FRMD4A: variants seen among roughly 807,000 people sequenced by gnomAD.
The protein encoded by FRMD4A is FERM domain containing 4A, also known as FERM domain-containing protein 4A.
Under a neutral mutation model 129.1 loss-of-function variants are expected in FRMD4A, and 29 were observed. That is an observed-to-expected ratio of 0.22 (90% confidence interval 0.17 to 0.31). FRMD4A has a LOEUF of 0.31. FRMD4A is among the 10% of genes least tolerant of loss of function. FRMD4A has a pLI of 1.00. For synonymous variants in FRMD4A, 634 were observed against 571.6 expected (o/e 1.11, Z -1.56); for missense variants, 1,272 against 1,375.8 (o/e 0.92, Z 1.19).
intron 2 of FRMD4A, among the ~76,000 whole-genome samples, chr10:14,055,462 AACACACAC>A (rs71388155): frequency 8.0e-4 from 62 of 77,486 alleles, no homozygotes; most frequent in Middle Eastern, 0.014. Context: ...CACACACACA[AACACACAC>A]ACACACACAC....
At chr10:13,779,084 C>T (rs577979584) in intron 6 of FRMD4A, among the ~76,000 whole-genome samples, 1 of 152,166 alleles carries the variant, frequency 6.6e-6, no homozygotes, top group South Asian at 2.1e-4. Flanking sequence ...TTTGGGAGGC[C>T]AAGGTGGGTG....
chr10:14,229,108 T>G (rs1843549984), intron 2 of FRMD4A, among the ~76,000 whole-genome samples: 1 of 151,940 alleles, frequency 6.6e-6, no homozygotes. Flanking sequence ...GTTTGTTTTT[T>G]GTTTTTTTTT....
chr10:13,822,947 A>T (rs1289733881), intron 3 of FRMD4A, among the ~76,000 whole-genome samples: 1 of 151,916 alleles, frequency 6.6e-6, no homozygotes, highest in African/African-American at 2.4e-5. Flanking sequence ...TCTCCCTGGG[A>T]GCAATGCTTT....
At chr10:13,947,522 A>T (rs1187191277) in intron 2 of FRMD4A, among the ~76,000 whole-genome samples, 1 of 152,062 alleles carries the variant, frequency 6.6e-6, no homozygotes, top group Non-Finnish European at 1.5e-5. Context: ...GTCATACGGG[A>T]TGCCTAGGGG....
intron 11 of FRMD4A, 59 bp downstream of exon 11, chr10:13,740,135 T>A: frequency 1.1e-6 from 1 of 895,222 alleles, no homozygotes; most frequent in Non-Finnish European, 1.9e-6. Flanking sequence ...TATAACGAGA[T>A]GTTTTGATTT....
intron 15 of FRMD4A, chr10:13,693,688 T>C: frequency 2.1e-6 from 1 of 477,106 alleles, no homozygotes; most frequent in Non-Finnish European, 3.7e-6. Flanking sequence ...ACTGATGCTT[T>C]TTTTTTTTTT....
At chr10:14,232,135 A>G (rs139484318) in intron 2 of FRMD4A, among the ~76,000 whole-genome samples, 56 of 152,282 alleles carry the variant, frequency 3.7e-4, no homozygotes, top group African/African-American at 1.3e-3. Flanking sequence ...TCCAGTTTCA[A>G]TCTTCTGCAT....
intron 14 of FRMD4A, among the ~76,000 whole-genome samples, chr10:13,700,793 G>A (rs1342818733): frequency 1.5e-5 from 2 of 136,440 alleles, no homozygotes; most frequent in African/African-American, 5.5e-5. Flanking sequence ...CAGGCTCTAG[G>A]TCTACCTTAG....
At chr10:13,954,153 G>A (rs1000504141) in intron 2 of FRMD4A, among the ~76,000 whole-genome samples, 13 of 152,058 alleles carry the variant, frequency 8.5e-5, no homozygotes, top group African/African-American at 3.1e-4. Context: ...GGGTTGTGTT[G>A]GTAAAGAAAT....
Position 13,690,682 on chromosome 10 carries a change from T to C in FRMD4A, c.1117+3216A>G, listed in dbSNP as rs143918818. Among the ~76,000 whole-genome samples, 746 of 152,276 alleles carry C rather than the reference T, an allele frequency of 4.9e-3. 4 individuals are homozygous for C. The highest frequency in any genetic ancestry group is 0.017 in the African/African-American group (710 of 41,566). ...ACCAGGGTTTCTTCTTGCTCAGCTG[T>C]GCAGCTGCAGAAAGGGCTGAGGGCA... On this transcript the variant is annotated intron_variant, in intron 15 of 24. Coordinates refer to ENST00000357447, the MANE Select transcript of FRMD4A (RefSeq NM_018027.5).
intron 24 of FRMD4A, chr10:13,651,318 G>T (rs762121579): frequency 6.6e-6 from 1 of 152,524 alleles, no homozygotes; most frequent in African/African-American, 2.4e-5. Context: ...GAGCCACTGA[G>T]TCGGCCCTTG....
rs537213331 is a variant in FRMD4A, at chr10:14,010,126, G to A, written c.46-151214C>T. Reference sequence around the variant, plus strand: ...AGCTCAGTTTTGGGGTCGGTGGGGGGGACAATGATGAGATGGACTGAGAAG... The same window carrying A: ...AGCTCAGTTTTGGGGTCGGTGGGGGAGACAATGATGAGATGGACTGAGAAG... On this transcript the variant is annotated intron_variant, in intron 2 of 24. Transcript: ENST00000357447. Among the ~76,000 whole-genome samples the A allele has an allele frequency of 8.7e-4, 133 of 152,008 alleles. 1 individual carries two copies. The highest frequency in any genetic ancestry group is 3.1e-3 in the African/African-American group (130 of 41,448).
At chr10:14,303,945 G>T (rs141456535) in intron 2 of FRMD4A, among the ~76,000 whole-genome samples, 70 of 152,240 alleles carry the variant, frequency 4.6e-4, no homozygotes, top group African/African-American at 1.6e-3. Context: ...GTTCATCCAT[G>T]TTGTAGCATA....
intron 12 of FRMD4A, among the ~76,000 whole-genome samples, chr10:13,713,107 C>A (rs1432442443): frequency 6.6e-6 from 1 of 152,162 alleles, no homozygotes; most frequent in Non-Finnish European, 1.5e-5. Flanking sequence ...ACCTCGTCTT[C>A]CCCCGCTGCC....
chr10:14,100,022 T>C (rs942169859), intron 2 of FRMD4A, among the ~76,000 whole-genome samples: 4 of 152,154 alleles, frequency 2.6e-5, no homozygotes, highest in Non-Finnish European at 5.9e-5. Flanking sequence ...AACACTGGGG[T>C]ACAGCACAGA....
At chr10:13,735,911 T>C (rs1043214276) in intron 12 of FRMD4A, among the ~76,000 whole-genome samples, 7 of 152,102 alleles carry the variant, frequency 4.6e-5, no homozygotes, top group Admixed American at 4.6e-4. Flanking sequence ...TCCAGCACTT[T>C]GGGAGGCTGA....
chr10:13,936,821 A>C (rs541401369), intron 2 of FRMD4A, among the ~76,000 whole-genome samples: 1 of 152,328 alleles, frequency 6.6e-6, no homozygotes, highest in East Asian at 1.9e-4. Context: ...TCAGAGATTT[A>C]AGATTCTATA....
chr10:13,772,306 A>G (rs953158608), intron 6 of FRMD4A, among the ~76,000 whole-genome samples: 1 of 151,334 alleles, frequency 6.6e-6, no homozygotes, highest in African/African-American at 2.4e-5. Context: ...TTCCTGATGT[A>G]ATCTTAGAGA....
chr10:14,170,598 T>C (rs762300038), intron 2 of FRMD4A, among the ~76,000 whole-genome samples: 1 of 152,226 alleles, frequency 6.6e-6, no homozygotes, highest in African/African-American at 2.4e-5. Flanking sequence ...GGAAACCATA[T>C]TGGAGTATTC....
Sources: allele counts gnomAD v4.1 joint callset (sites outside exome capture counted in the v4.1 genomes callset), GRCh38; gene constraint gnomAD v4.1.1; transcripts MANE v1.5; gene names NCBI Gene and HGNC (gene_info 2026-07-23, HGNC 2026-07-21).